The following TRIO variants were observed in gnomAD, a reference collection of about 807,000 sequenced individuals.
TRIO encodes triple functional domain protein.
Under a neutral mutation model 351.9 loss-of-function variants are expected in TRIO, and 58 were observed. That is an observed-to-expected ratio of 0.16 (90% CI 0.13 to 0.21). The LOEUF (loss-of-function observed/expected upper bound fraction) is 0.21. TRIO is among the 10% of genes least tolerant of loss of function. The probability of loss-of-function intolerance (pLI) is 1.00; values close to 1 mark genes in which losing one functional copy is unlikely to be tolerated. For missense variants in TRIO, 3,201 were observed against 4,027.8 expected (o/e 0.79, Z 5.56); for synonymous variants, 1,758 against 1,595.7 (o/e 1.10, Z -2.42).
At chr5:14,192,244 C>CT (rs1410888735) in intron 1 of TRIO, among the ~76,000 whole-genome samples, 91 of 151,154 alleles carry the variant, frequency 6.0e-4, no homozygotes, top group African/African-American at 2.2e-3. Context: ...ACTTTATTCC[C>CT]TTTTTTTTCC....
intron 34 of TRIO, among the ~76,000 whole-genome samples, chr5:14,444,454 C>T (rs1283962372): frequency 6.6e-6 from 1 of 152,188 alleles, no homozygotes; most frequent in Admixed American, 6.5e-5. Flanking sequence ...TGGTTTAAGA[C>T]AGGATGTGCA....
intron 1 of TRIO, among the ~76,000 whole-genome samples, chr5:14,163,773 C>T (rs1466312803): frequency 6.6e-6 from 1 of 152,110 alleles, no homozygotes; most frequent in Non-Finnish European, 1.5e-5. Flanking sequence ...ATAAAGCTTA[C>T]CTTATTTTTA....
chr5:14,338,941 A>G (rs1413312979), intron 11 of TRIO, among the ~76,000 whole-genome samples: 1 of 152,196 alleles, frequency 6.6e-6, no homozygotes, highest in Non-Finnish European at 1.5e-5. Context: ...TAGCTTCCTT[A>G]TAGGACAGAA....
intron 9 of TRIO, among the ~76,000 whole-genome samples, chr5:14,325,194 G>A (rs911058671): frequency 6.6e-6 from 1 of 152,220 alleles, no homozygotes; most frequent in Non-Finnish European, 1.5e-5. Context: ...TTGTTGTGAG[G>A]TAGGCTTTGA....
chr5:14,186,058 A>G (rs1447625239), intron 1 of TRIO, among the ~76,000 whole-genome samples: 3 of 152,228 alleles, frequency 2.0e-5, no homozygotes, highest in Admixed American at 6.5e-5. Flanking sequence ...GGTACACCCA[A>G]TTAGCACTAC....
intron 1 of TRIO, among the ~76,000 whole-genome samples, chr5:14,198,248 TTGTGA>T (rs1316331355): frequency 6.6e-5 from 10 of 152,218 alleles, no homozygotes; most frequent in Admixed American, 5.2e-4. Context: ...ACATTCTATC[TTGTGA>T]TGTGATGTTT....
intron 33 of TRIO, among the ~76,000 whole-genome samples, chr5:14,407,472 A>T (rs1748828682): frequency 6.6e-6 from 1 of 152,238 alleles, no homozygotes; most frequent in Non-Finnish European, 1.5e-5. Flanking sequence ...GAGAAAGTCC[A>T]GCTTCTCTGG....
intron 1 of TRIO, among the ~76,000 whole-genome samples, chr5:14,201,046 TCA>T (rs1349846052): frequency 1.3e-5 from 2 of 152,004 alleles, no homozygotes; most frequent in African/African-American, 4.8e-5. Flanking sequence ...TCACCTGAGG[TCA>T]GGAGTTTGAG....
intron 11 of TRIO, among the ~76,000 whole-genome samples, chr5:14,355,099 G>A (rs1743494177): frequency 6.6e-6 from 1 of 152,190 alleles, no homozygotes; most frequent in Non-Finnish European, 1.5e-5. Flanking sequence ...GAGTGAGTGG[G>A]CACCCTCTGT....
At chr5:14,144,641 A>AGGCGGT in intron 1 of TRIO, among the ~76,000 whole-genome samples, 1 of 151,356 alleles carries the variant, frequency 6.6e-6, no homozygotes, top group South Asian at 2.1e-4. Context: ...GTGGAGGTGG[A>AGGCGGT]GGCGGTGCCA....
Position 14,381,217 on chromosome 5 carries a change from C to T in TRIO, c.3535C>T (p.Leu1179=), listed in dbSNP as rs368264596. ...CAGTATACAGCACACCCAGGAGCTC[C>T]TGAAAGAGCACGAGGAGTTCCAGAT... ...GSSIQHTQEL[L]KEHEEFQITA... Residue 1179 remains leucine (L), a synonymous_variant, in exon 21 of 57, where the codon CTG becomes TTG. Coordinates refer to ENST00000344204, the MANE Select transcript of TRIO (RefSeq NM_007118.4). 23 of 1,613,794 alleles carry T rather than the reference C, an allele frequency of 1.4e-5. No individual in the cohort carries two copies. The East Asian group carries it at 5.1e-4, about 36-fold the overall frequency.
At chr5:14,211,663 A>T (rs1476910083) in intron 1 of TRIO, among the ~76,000 whole-genome samples, 1 of 143,960 alleles carries the variant, frequency 6.9e-6, no homozygotes, top group Non-Finnish European at 1.5e-5. Flanking sequence ...TTTGTCACAT[A>T]TGTTTTCTCT....
At chr5:14,460,873 CCT>C in intron 34 of TRIO, 144 bp from the exon 35 acceptor site, 2 of 861,436 alleles carry the variant, frequency 2.3e-6, no homozygotes, top group South Asian at 2.0e-5. Flanking sequence ...AGCATCAGCC[CCT>C]GTCATCTCAC....
At chr5:14,218,467 C>G (rs1792366326) in intron 1 of TRIO, among the ~76,000 whole-genome samples, 1 of 152,196 alleles carries the variant, frequency 6.6e-6, no homozygotes, top group Non-Finnish European at 1.5e-5. Flanking sequence ...TGAGCTGAGT[C>G]TCTAAGAGTC....
chr5:14,473,813 T>C (rs1230039749), intron 39 of TRIO, among the ~76,000 whole-genome samples, 181 bp from the exon 40 acceptor site: 1 of 152,266 alleles, frequency 6.6e-6, no homozygotes, highest in Non-Finnish European at 1.5e-5. Flanking sequence ...GTAATAGGTA[T>C]ATTCCAAGTA....
intron 34 of TRIO, among the ~76,000 whole-genome samples, chr5:14,428,717 C>A (rs1433097522): frequency 6.6e-6 from 1 of 152,204 alleles, no homozygotes; most frequent in Non-Finnish European, 1.5e-5. Flanking sequence ...CAGGTATTGA[C>A]ACTATCCATA....
chr5:14,244,402 T>C (rs1794316562), intron 1 of TRIO, among the ~76,000 whole-genome samples: 1 of 152,222 alleles, frequency 6.6e-6, no homozygotes, highest in Non-Finnish European at 1.5e-5. Context: ...ATAGAGAATG[T>C]AGAAATCAGA....
chr5:14,450,929 C>A (rs1752810376), intron 34 of TRIO, among the ~76,000 whole-genome samples: 1 of 152,212 alleles, frequency 6.6e-6, no homozygotes, highest in Non-Finnish European at 1.5e-5. Flanking sequence ...CTAGTACTCA[C>A]AGACAGATGA....
chr5:14,371,957 A>G (rs905816795), intron 18 of TRIO, among the ~76,000 whole-genome samples: 5 of 152,168 alleles, frequency 3.3e-5, no homozygotes, highest in Non-Finnish European at 5.9e-5. Flanking sequence ...ATGTCTTTTT[A>G]TACATGGTTT....
Sources: allele counts gnomAD v4.1 joint callset (sites outside exome capture counted in the v4.1 genomes callset), GRCh38; gene constraint gnomAD v4.1.1; transcripts MANE v1.5; gene names NCBI Gene and HGNC (gene_info 2026-07-23, HGNC 2026-07-21).